CTNNA3: variants seen among roughly 807,000 people sequenced by gnomAD.
CTNNA3 encodes the protein catenin alpha-3.
In CTNNA3, 76 loss-of-function variants were observed where a neutral mutation model predicts 95.7. The ratio of observed to expected loss-of-function variants is 0.79; its 90% CI spans 0.66 to 0.96. The LOEUF is 0.96. CTNNA3 is among the 40% of genes least tolerant of loss of function. The pLI, the probability that CTNNA3 is intolerant of heterozygous loss-of-function variation, is 0.00. For synonymous variants in CTNNA3, 431 were observed against 374.4 expected, an observed-to-expected ratio of 1.15 and a Z score of -1.74; for missense variants, 1,191 against 1,089.8, an observed-to-expected ratio of 1.09 and a Z score of -1.31.
intron 7 of CTNNA3, among the ~76,000 whole-genome samples, chr10:66,986,939 T>C (rs1243161966): frequency 1.3e-5 from 2 of 152,098 alleles, no homozygotes; most frequent in Non-Finnish European, 2.9e-5. Context: ...TATATTTGAA[T>C]AAGGAGTCAA....
chr10:66,131,293 A>T (rs929642560), intron 13 of CTNNA3, among the ~76,000 whole-genome samples: 1 of 152,170 alleles, frequency 6.6e-6, no homozygotes, highest in Non-Finnish European at 1.5e-5. Flanking sequence ...AATATCCTTC[A>T]TAAGCATTGA....
At chr10:67,333,646 T>G (rs966899349) in intron 5 of CTNNA3, among the ~76,000 whole-genome samples, 1 of 152,200 alleles carries the variant, frequency 6.6e-6, no homozygotes, top group Non-Finnish European at 1.5e-5. Flanking sequence ...TTCATACCCA[T>G]GCTATTTTGT....
chr10:65,932,769 C>T (rs1464935927), intron 17 of CTNNA3, among the ~76,000 whole-genome samples: 2 of 152,162 alleles, frequency 1.3e-5, no homozygotes, highest in Middle Eastern at 3.2e-3. Context: ...TTCTTCCTCT[C>T]TAGTTTGGGA....
intron 13 of CTNNA3, among the ~76,000 whole-genome samples, chr10:66,159,560 G>A (rs916942412): frequency 2.7e-5 from 4 of 149,178 alleles, no homozygotes; most frequent in African/African-American, 7.4e-5. Flanking sequence ...CGGTTAGCTA[G>A]TATTTTGTTA....
intron 14 of CTNNA3, among the ~76,000 whole-genome samples, chr10:66,072,462 TAAGGCAGA>T (rs2080460190): frequency 6.6e-6 from 1 of 152,062 alleles, no homozygotes; most frequent in Non-Finnish European, 1.5e-5. Flanking sequence ...TGTTTTGTTT[TAAGGCAGA>T]GTCTTGCTCT....
At chr10:66,967,754 G>T (rs980011357) in intron 7 of CTNNA3, among the ~76,000 whole-genome samples, 1 of 151,978 alleles carries the variant, frequency 6.6e-6, no homozygotes, top group South Asian at 2.1e-4. Context: ...GTGCCAGTGA[G>T]AAAAATAATC....
At chr10:66,481,948 A>G (rs539279715) in intron 11 of CTNNA3, among the ~76,000 whole-genome samples, 1 of 152,116 alleles carries the variant, frequency 6.6e-6, no homozygotes, top group East Asian at 1.9e-4. Context: ...TAGTTTTTAC[A>G]TGCTTGAAAG....
intron 12 of CTNNA3, among the ~76,000 whole-genome samples, chr10:66,300,961 A>T (rs2091854161): frequency 1.3e-5 from 2 of 152,048 alleles, no homozygotes; most frequent in Non-Finnish European, 1.5e-5. Context: ...GAGAGAAGAT[A>T]CAAATTACTA....
intron 5 of CTNNA3, among the ~76,000 whole-genome samples, chr10:67,324,044 T>C (rs1589165948): frequency 6.6e-6 from 1 of 152,196 alleles, no homozygotes; most frequent in African/African-American, 2.4e-5. Flanking sequence ...GAAACATTAG[T>C]AATTTTTGCA....
intron 10 of CTNNA3, among the ~76,000 whole-genome samples, chr10:66,528,639 T>A (rs1198710813): frequency 1.3e-5 from 2 of 152,202 alleles, no homozygotes; most frequent in African/African-American, 4.8e-5. Context: ...TTGTGTTTAG[T>A]GGGTAATTTC....
In CTNNA3 at chr10:67,272,552, C is replaced by T. The variant is rs188190854; in HGVS notation, c.580-52682G>A. 4.6e-5 allele frequency among the ~76,000 whole-genome samples: 7 copies of T among 151,558 alleles called. No homozygotes were observed. In the East Asian group the frequency reaches 1.4e-3, roughly 29 times the overall value. ...TGAGCGATAGGGTAAGACCCTGTCT[C>T]AAAAAATAATAATAAATAAATAAAA... On this transcript the variant is annotated intron_variant, in intron 5 of 17. Transcript: ENST00000433211.
At chr10:67,134,553 C>T (rs1860198322) in intron 7 of CTNNA3, among the ~76,000 whole-genome samples, 1 of 152,048 alleles carries the variant, frequency 6.6e-6, no homozygotes, top group Non-Finnish European at 1.5e-5. Flanking sequence ...TTCCTCAATT[C>T]CTGCTTGTTA....
At chr10:67,601,263 A>G (rs1038147303) in intron 3 of CTNNA3, among the ~76,000 whole-genome samples, 2 of 152,120 alleles carry the variant, frequency 1.3e-5, no homozygotes, top group Non-Finnish European at 2.9e-5. Context: ...ATGGAATATA[A>G]TTTTTCCACA....
At chr10:66,600,781 A>G (rs758321436) in intron 10 of CTNNA3, among the ~76,000 whole-genome samples, 4 of 151,922 alleles carry the variant, frequency 2.6e-5, no homozygotes, top group Admixed American at 6.6e-5. Flanking sequence ...TGAAATAGCA[A>G]GCCCTAAATA....
intron 10 of CTNNA3, among the ~76,000 whole-genome samples, chr10:66,588,314 T>C (rs1468134776): frequency 2.0e-5 from 3 of 152,168 alleles, no homozygotes; most frequent in African/African-American, 7.2e-5. Context: ...TGTTTCTTCT[T>C]TCAAAGGGTC....
chr10:67,124,662 AT>A (rs1333429174), intron 7 of CTNNA3, among the ~76,000 whole-genome samples: 1 of 152,192 alleles, frequency 6.6e-6, no homozygotes. Context: ...TTTATTACAT[AT>A]TTTTACAGGT....
chr10:67,138,133 A>C (rs1860384669), intron 7 of CTNNA3, among the ~76,000 whole-genome samples: 1 of 152,038 alleles, frequency 6.6e-6, no homozygotes, highest in Non-Finnish European at 1.5e-5. Flanking sequence ...GAAACATTAG[A>C]TTTATATATG....
intron 13 of CTNNA3, among the ~76,000 whole-genome samples, chr10:66,233,659 T>C (rs935625523): frequency 6.9e-6 from 1 of 144,758 alleles, no homozygotes; most frequent in Non-Finnish European, 1.5e-5. Context: ...ACTGATATCA[T>C]TGAGTGTTGG....
chr10:67,683,077 A>T (rs1252908121), intron 1 of CTNNA3, among the ~76,000 whole-genome samples: 1 of 152,196 alleles, frequency 6.6e-6, no homozygotes, highest in Non-Finnish European at 1.5e-5. Context: ...TGGATATTGC[A>T]TAGGCAACCA....
Sources: gnomAD v4.1 joint callset for allele counts (sites outside exome capture counted in the v4.1 genomes callset) on GRCh38, gnomAD v4.1.1 for gene constraint, MANE v1.5 for transcripts, NCBI Gene and HGNC (gene_info 2026-07-23, HGNC 2026-07-21) for gene names.